LRIG3: variants seen among roughly 807,000 people sequenced by gnomAD.
The protein encoded by LRIG3 is leucine-rich repeats and immunoglobulin-like domains protein 3.
Under a neutral mutation model 114.5 loss-of-function variants are expected in LRIG3, and 76 were observed. That is an observed-to-expected ratio of 0.66 (90% CI 0.55 to 0.80). The LOEUF (loss-of-function observed/expected upper bound fraction) is 0.80, where lower values mean the gene tolerates loss of function less well. LRIG3 is among the 30% of genes least tolerant of loss of function. The pLI, the probability that LRIG3 is intolerant of heterozygous loss-of-function variation, is 0.00. For missense variants in LRIG3, 1,239 were observed against 1,382.8 expected (o/e 0.90, Z 1.65); for synonymous variants, 512 against 519.8 (o/e 0.98, Z 0.20).
Position 58,883,377 on chromosome 12 carries a change from C to A in LRIG3, c.1316+143G>T, listed in dbSNP as rs556215675. The A allele has an allele frequency of 1.6e-5, 9 of 568,296 alleles. No individual in the cohort carries two copies. The Admixed American group carries it at 2.6e-4, about 17-fold the overall frequency. The allele number at this position is 568,296 out of a possible 1,614,324, so 35.2% of individuals were successfully genotyped here. On this transcript the variant is annotated intron_variant, in intron 11 of 18. Transcript: ENST00000320743. Reference sequence around the variant, plus strand: ...TTCAACAAAAAGAACAAATAAACTCCTTTTCTGTTGCCTAGTATAAAAATT... The same window carrying A: ...TTCAACAAAAAGAACAAATAAACTCATTTTCTGTTGCCTAGTATAAAAATT...
chr12:58,915,797 G>A (rs532164169), intron 1 of LRIG3, among the ~76,000 whole-genome samples: 39 of 152,310 alleles, frequency 2.6e-4, no homozygotes, highest in African/African-American at 7.9e-4. Flanking sequence ...GAAACCGTGA[G>A]CCCAACAACT....
chr12:58,888,178 T>C (rs113562084), intron 7 of LRIG3, 151 bp downstream of exon 7: 12 of 1,010,016 alleles, frequency 1.2e-5, no homozygotes, highest in African/African-American at 1.1e-4. Flanking sequence ...CTTCAACTTA[T>C]CACAACAAAA....
Position 58,908,168 on chromosome 12 carries a change from G to A in LRIG3, c.383+5814C>T, listed in dbSNP as rs555984921. On this transcript the variant is annotated intron_variant, in intron 3 of 18. Coordinates refer to ENST00000320743, the MANE Select transcript of LRIG3 (RefSeq NM_153377.5). ...ATGGAACCACATCTCGCGGCATTAG[G>A]TTCCAAGCCAGCAGATGGCGGAAAA... Among the ~76,000 whole-genome samples the A allele has an allele frequency of 6.6e-5, 10 of 152,304 alleles. No homozygotes were observed. The East Asian group carries it at 1.7e-3, about 26-fold the overall frequency.
chr12:58,881,696 T>C (rs1168895969), intron 12 of LRIG3, among the ~76,000 whole-genome samples: 2 of 152,196 alleles, frequency 1.3e-5, no homozygotes, highest in Non-Finnish European at 2.9e-5. Context: ...AGCGTACCAT[T>C]TGGGTGCTAC....
At chr12:58,904,398 A>G (rs1045415468) in intron 3 of LRIG3, among the ~76,000 whole-genome samples, 1 of 152,206 alleles carries the variant, frequency 6.6e-6, no homozygotes, top group African/African-American at 2.4e-5. Flanking sequence ...TTTGGCACAG[A>G]GAAGTCTCTT....
chr12:58,873,987 T>C (rs767793701), intron 18 of LRIG3, 68 bp downstream of exon 18: 32 of 1,548,060 alleles, frequency 2.1e-5, no homozygotes, highest in Non-Finnish European at 2.6e-5. Context: ...AAGGCTGTCA[T>C]TGCTCTCTCA....
chr12:58,908,741 T>G (rs1253271067), intron 3 of LRIG3, among the ~76,000 whole-genome samples: 1 of 152,236 alleles, frequency 6.6e-6, no homozygotes, highest in East Asian at 1.9e-4. Context: ...GAAGGAGATC[T>G]GTCTGAATTA....
chr12:58,880,481 G>A, intron 13 of LRIG3, 100 bp downstream of exon 13: 1 of 1,178,998 alleles, frequency 8.5e-7, no homozygotes, highest in Non-Finnish European at 1.2e-6. Flanking sequence ...GTGGGGAACT[G>A]TGAGAAGAAA....
At chr12:58,881,420 C>CA (rs376145825) in intron 12 of LRIG3, among the ~76,000 whole-genome samples, 2,254 of 64,260 alleles carry the variant, frequency 0.035, 50 homozygotes, top group African/African-American at 0.079. Context: ...TAGGTAGAGG[C>CA]AAAAAAAAAA....
Position 58,878,829 on chromosome 12 carries a change from ACAGT to A in LRIG3, c.2074_2077del (p.Thr692SerfsTer2). 4 of 1,613,234 alleles carry A rather than the reference ACAGT, an allele frequency of 2.5e-6. No homozygotes were observed. Among genetic ancestry groups the A allele is most frequent in the Non-Finnish European group, 3.4e-6 (4 of 1,179,328 alleles). ...ATCTTAACAAATTCACCCACCTAGGACAGTCAGAGTTGCATTTGCTGAAATACTT... is the reference window on the plus strand; with the variant it reads ...ATCTTAACAAATTCACCCACCTAGGACAGAGTTGCATTTGCTGAAATACTT... On this transcript the variant is annotated frameshift_variant, in exon 14 of 19. Transcript: ENST00000320743. LOFTEE classifies it high-confidence loss of function.
chr12:58,895,502 C>T (rs751322431), intron 3 of LRIG3, among the ~76,000 whole-genome samples: 7 of 152,114 alleles, frequency 4.6e-5, no homozygotes, highest in Non-Finnish European at 8.8e-5. Context: ...GAAGGAACAC[C>T]TGATGGCTAA....
At chr12:58,872,852 T>C in intron 18 of LRIG3, 36 bp from the exon 19 acceptor site, 1 of 1,586,424 alleles carries the variant, frequency 6.3e-7, no homozygotes, top group Non-Finnish European at 8.6e-7. Context: ...CATGGGTCCC[T>C]TTGCTAGCAT....
intron 12 of LRIG3, 49 bp downstream of exon 12, chr12:58,882,820 G>A: frequency 6.6e-7 from 1 of 1,522,048 alleles, no homozygotes; most frequent in African/African-American, 1.4e-5. Flanking sequence ...TAAATGGGAG[G>A]GGGAAAAAAG....
intron 3 of LRIG3, among the ~76,000 whole-genome samples, chr12:58,903,705 T>C (rs1457616799): frequency 1.2e-4 from 18 of 151,866 alleles, no homozygotes; most frequent in Admixed American, 6.6e-4. Context: ...TTAGGTCTAA[T>C]GTTTAAGTCT....
rs1181067297 is a variant in LRIG3 at position 58,910,188 on chromosome 12, C to G, written c.383+3794G>C. ...AAGGCTTAGTTGATTATGATATGACCTTTATCAGTAATTCTAGAAATATTT... is the reference window on the plus strand; with the variant it reads ...AAGGCTTAGTTGATTATGATATGACGTTTATCAGTAATTCTAGAAATATTT... On this transcript the variant is annotated intron_variant, in intron 3 of 18. Transcript: ENST00000320743. 2.6e-5 allele frequency among the ~76,000 whole-genome samples: 4 copies of G among 152,230 alleles called. No individual in the cohort carries two copies. In the East Asian group the frequency reaches 7.7e-4, roughly 29 times the overall value.
intron 3 of LRIG3, among the ~76,000 whole-genome samples, chr12:58,911,475 T>G (rs1872272387): frequency 6.6e-6 from 1 of 152,174 alleles, no homozygotes; most frequent in Non-Finnish European, 1.5e-5. Flanking sequence ...GCTTTCAAAC[T>G]ATTTAACCTG....
At chr12:58,903,069 C>T (rs1446637504) in intron 3 of LRIG3, among the ~76,000 whole-genome samples, 1 of 152,116 alleles carries the variant, frequency 6.6e-6, no homozygotes, top group East Asian at 1.9e-4. Context: ...GATTTATAGT[C>T]CTTTGGGTAT....
chr12:58,904,294 G>A lies in LRIG3; in HGVS notation c.383+9688C>T, dbSNP rs192552931. 1.9e-3 allele frequency among the ~76,000 whole-genome samples: 293 copies of A among 152,198 alleles called. 2 individuals are homozygous for A. The highest frequency in any genetic ancestry group is 0.01 in the Admixed American group (156 of 15,284). On this transcript the variant is annotated intron_variant, in intron 3 of 18. Coordinates refer to ENST00000320743, the MANE Select transcript of LRIG3 (RefSeq NM_153377.5). Reference sequence around the variant, plus strand: ...GAAGGGGGAAAAATAACTAGGCCAGGAGAGAGACACATGTTGAATCTTGCC... The same window carrying A: ...GAAGGGGGAAAAATAACTAGGCCAGAAGAGAGACACATGTTGAATCTTGCC...
At chr12:58,880,925 A>G in intron 12 of LRIG3, 24 bp from the exon 13 acceptor site, 2 of 1,598,746 alleles carry the variant, frequency 1.3e-6, no homozygotes. Context: ...AGAGGAGGAG[A>G]CAAAACAATG....
Sources: gnomAD v4.1 joint callset for allele counts (sites outside exome capture counted in the v4.1 genomes callset) on GRCh38, gnomAD v4.1.1 for gene constraint, MANE v1.5 for transcripts, NCBI Gene and HGNC (gene_info 2026-07-23, HGNC 2026-07-21) for gene names.